The following SLC24A2 variants were observed in gnomAD, a reference collection of about 807,000 sequenced individuals.
SLC24A2 encodes the protein solute carrier family 24 member 2, also known as sodium/potassium/calcium exchanger 2.
Under a neutral mutation model 62.0 loss-of-function variants are expected in SLC24A2, and 36 were observed. The ratio of observed to expected loss-of-function variants is 0.58; its 90% CI spans 0.44 to 0.77. The LOEUF is 0.77. SLC24A2 is among the 30% of genes least tolerant of loss of function. The pLI is 0.00. For synonymous variants in SLC24A2, 358 were observed against 294.0 expected (o/e 1.22, Z -2.23); for missense variants, 846 against 817.9 (o/e 1.03, Z -0.42).
chr9:20,068,614 C>T, the SLC24A2 span, among the ~76,000 whole-genome samples: 42 of 152,150 alleles, frequency 2.8e-4, no homozygotes, highest in African/African-American at 9.4e-4. Flanking sequence ...GCTTATATTG[C>T]CATAAATTGG....
At chr9:19,665,577 G>A (rs1587121385) in intron 2 of SLC24A2, among the ~76,000 whole-genome samples, 1 of 152,266 alleles carries the variant, frequency 6.6e-6, no homozygotes, top group Admixed American at 6.5e-5. Flanking sequence ...CAACACACTA[G>A]CTAAGAGACG....
At chr9:19,898,819 C>T in the SLC24A2 span, among the ~76,000 whole-genome samples, 1 of 150,822 alleles carries the variant, frequency 6.6e-6, no homozygotes, top group Non-Finnish European at 1.5e-5. Flanking sequence ...CCAATTATTA[C>T]TCAACTTCTA....
At chr9:19,884,798 G>GA in the SLC24A2 span, among the ~76,000 whole-genome samples, 1 of 152,130 alleles carries the variant, frequency 6.6e-6, no homozygotes, top group Non-Finnish European at 1.5e-5. Context: ...TGTGTTAGAT[G>GA]ATTTTGCCCA....
At chr9:19,778,828 T>C (rs1220659801) in intron 2 of SLC24A2, among the ~76,000 whole-genome samples, 1 of 152,030 alleles carries the variant, frequency 6.6e-6, no homozygotes, top group African/African-American at 2.4e-5. Context: ...ACAACAAAAC[T>C]AGACCCACAA....
chr9:19,568,435 C>T (rs1170346256), intron 7 of SLC24A2, among the ~76,000 whole-genome samples: 1 of 152,208 alleles, frequency 6.6e-6, no homozygotes, highest in African/African-American at 2.4e-5. Context: ...GACGCCTTGC[C>T]ATCTGGGCTA....
At chr9:19,859,639 G>C in the SLC24A2 span, among the ~76,000 whole-genome samples, 2 of 152,158 alleles carry the variant, frequency 1.3e-5, no homozygotes, top group African/African-American at 4.8e-5. Context: ...CCAAAAATCA[G>C]GTGAGCACTC....
chr9:20,214,207 G>A, the SLC24A2 span, among the ~76,000 whole-genome samples: 3 of 152,196 alleles, frequency 2.0e-5, no homozygotes, highest in African/African-American at 4.8e-5. Context: ...TGAGGCGATA[G>A]GAAGGTGGGG....
the SLC24A2 span, among the ~76,000 whole-genome samples, chr9:20,035,514 G>A: frequency 6.6e-6 from 1 of 152,158 alleles, no homozygotes; most frequent in East Asian, 1.9e-4. Context: ...AGCATTTTGG[G>A]AGGCCAAGAA....
the SLC24A2 span, among the ~76,000 whole-genome samples, chr9:19,804,777 T>C: frequency 6.6e-6 from 1 of 152,134 alleles, no homozygotes; most frequent in Non-Finnish European, 1.5e-5. Context: ...TCATAGATGG[T>C]CTCATCAGGC....
intron 2 of SLC24A2, among the ~76,000 whole-genome samples, chr9:19,737,515 C>T (rs1444229304): frequency 2.0e-5 from 3 of 151,804 alleles, no homozygotes; most frequent in Non-Finnish European, 4.4e-5. Context: ...AAATTTATCT[C>T]GTTACAATAA....
the SLC24A2 span, among the ~76,000 whole-genome samples, chr9:20,062,331 A>T: frequency 6.6e-6 from 1 of 151,216 alleles, no homozygotes; most frequent in Non-Finnish European, 1.5e-5. Flanking sequence ...CCTCAGAAAT[A>T]ATGCCGCGTA....
intron 2 of SLC24A2, chr9:19,705,291 G>C (rs1185234376): frequency 6.5e-6 from 1 of 152,896 alleles, no homozygotes; most frequent in South Asian, 2.1e-4. Context: ...TGGCATTGTG[G>C]CGTGACTATG....
At chr9:19,573,116 C>T (rs1563975441) in intron 7 of SLC24A2, among the ~76,000 whole-genome samples, 1 of 152,172 alleles carries the variant, frequency 6.6e-6, no homozygotes, top group Non-Finnish European at 1.5e-5. Context: ...CCTTCAACCT[C>T]ACCTGGAGAA....
the SLC24A2 span, among the ~76,000 whole-genome samples, chr9:20,219,045 A>T: frequency 6.6e-6 from 1 of 152,206 alleles, no homozygotes; most frequent in Admixed American, 6.5e-5. Context: ...GAAATATATG[A>T]TCTCTGTCAT....
the SLC24A2 span, chr9:19,895,714 G>A: frequency 1.7e-6 from 2 of 1,208,142 alleles, no homozygotes; most frequent in South Asian, 2.9e-5. Context: ...GCTCTAGCCT[G>A]GGGCCTGGTG....
Position 19,688,416 on chromosome 9 carries a change from C to A in SLC24A2, c.931-66117G>T, listed in dbSNP as rs1819948125. Among the ~76,000 whole-genome samples, 5 of 152,078 alleles carry A rather than the reference C, an allele frequency of 3.3e-5. No individual in the cohort carries two copies. In the South Asian group the frequency reaches 1.0e-3, roughly 32 times the overall value. The stretch of plus-strand genomic sequence containing the variant: ...AGAAAGCTGGGTATCATTTGGTAGA[C>A]TTACTACACATTTGTTAATCTTTGT... On this transcript the variant is annotated intron_variant, in intron 2 of 10. Coordinates refer to ENST00000341998, the MANE Select transcript of SLC24A2 (RefSeq NM_020344.4).
At chr9:20,145,316 TG>T in the SLC24A2 span, among the ~76,000 whole-genome samples, 1 of 151,956 alleles carries the variant, frequency 6.6e-6, no homozygotes, top group Admixed American at 6.6e-5. Context: ...AGGGTTATAG[TG>T]GGGGATATAA....
At chr9:20,104,186 A>C in the SLC24A2 span, among the ~76,000 whole-genome samples, 1 of 152,240 alleles carries the variant, frequency 6.6e-6, no homozygotes, top group Non-Finnish European at 1.5e-5. Context: ...CCTCCAAGAA[A>C]TATGGGACTA....
chr9:19,903,063 T>G, the SLC24A2 span, among the ~76,000 whole-genome samples: 1 of 150,450 alleles, frequency 6.6e-6, no homozygotes, highest in South Asian at 2.1e-4. Flanking sequence ...AATAAGCAGG[T>G]TTTTCAATTT....
Sources: allele counts gnomAD v4.1 joint callset (sites outside exome capture counted in the v4.1 genomes callset), GRCh38; gene constraint gnomAD v4.1.1; transcripts MANE v1.5; gene names NCBI Gene and HGNC (gene_info 2026-07-23, HGNC 2026-07-21).